SLC19A1: variants seen among roughly 807,000 people sequenced by gnomAD.
SLC19A1 encodes the protein solute carrier family 19 member 1, also known as reduced folate transporter.
In SLC19A1, 37 loss-of-function variants were observed where a neutral mutation model predicts 35.3. The ratio of observed to expected loss-of-function variants is 1.05; its 90% confidence interval spans 0.81 to 1.38. The LOEUF is 1.38. Ranked by LOEUF, SLC19A1 falls within the 40% of genes most tolerant of loss-of-function variation. SLC19A1 has a pLI of 0.00. For missense variants in SLC19A1, 831 were observed against 826.9 expected (o/e 1.00, Z -0.06); for synonymous variants, 460 against 398.5 (o/e 1.15, Z -1.84).
Position 45,515,790 on chromosome 21 carries a change from C to A in SLC19A1, c.1644G>T (p.Leu548=). The A allele has an allele frequency of 6.2e-7, 1 of 1,613,490 alleles. No individual in the cohort carries two copies. The highest frequency in any genetic ancestry group is 8.5e-7 in the Non-Finnish European group (1 of 1,179,808). Residue 548 remains leucine, a synonymous_variant, in exon 6 of 6, where the codon CTG becomes CTT. Coordinates refer to ENST00000311124, the MANE Select transcript of SLC19A1 (RefSeq NM_194255.4). The part of the protein sequence containing the change: ...SPVTTPSPCT[L]CSAQASGPEA... ...CAGGGCCTGAGGCTTGGGCGGAGCACAGAGTGCAGGGGGAAGGGGTTGTCA... is the reference window on the plus strand; with the variant it reads ...CAGGGCCTGAGGCTTGGGCGGAGCAAAGAGTGCAGGGGGAAGGGGTTGTCA...
At position 45,534,702 on chromosome 21, in the gene SLC19A1, C is replaced by T. The variant is rs531206537; in HGVS notation, c.190-2554G>A. 43 of 975,374 alleles carry T rather than the reference C, an allele frequency of 4.4e-5. 1 individual carries two copies. The East Asian group carries it at 9.4e-4, about 21-fold the overall frequency. 60.4% of individuals were successfully genotyped at this position (975,374 alleles called of 1,614,324 possible). On this transcript the variant is annotated intron_variant, in intron 2 of 5. Coordinates refer to ENST00000311124, the MANE Select transcript of SLC19A1 (RefSeq NM_194255.4). This position sits in a 1 kb window ranked among gnomAD's most constrained non-coding sequence, Gnocchi z 4.2. ...CGCTCCTCTCCCTGCACCTCCTCAA[C>T]GGCCCCTACTCCCTCTTCCTCAGCC...
At chr21:45,523,467 A>G (rs1026426084) in intron 5 of SLC19A1, among the ~76,000 whole-genome samples, 1 of 152,136 alleles carries the variant, frequency 6.6e-6, no homozygotes, top group Non-Finnish European at 1.5e-5. Context: ...CCAGCTAAGG[A>G]AGGGAAAGGG....
chr21:45,504,031 C>T (rs977272446), intron 3 of SLC19A1: 8 of 1,610,864 alleles, frequency 5.0e-6, no homozygotes, highest in South Asian at 1.1e-5. Context: ...GTTTGACTTT[C>T]TTCAGTTGGA....
In SLC19A1 at chr21:45,533,082, G is replaced by A. The variant is rs9974325; in HGVS notation, c.190-934C>T. On this transcript the variant is annotated intron_variant, in intron 2 of 5. Transcript: ENST00000311124. The surrounding 1 kb of genome is among the most constrained non-coding windows in gnomAD (Gnocchi z 4.5). The stretch of plus-strand genomic sequence containing the variant: ...CAGACTCCAACCCAGGAGCAGGGAG[G>A]GGGGCAAACGCCCCTGTAGCCGCCC... 0.01 allele frequency among the ~76,000 whole-genome samples: 1,575 copies of A among 152,312 alleles called. 20 individuals carry two copies. The highest frequency in any genetic ancestry group is 0.032 in the African/African-American group (1,328 of 41,574).
At chr21:45,535,029 G>A (rs766695128) in intron 2 of SLC19A1, among the ~76,000 whole-genome samples, 12 of 152,270 alleles carry the variant, frequency 7.9e-5, no homozygotes, top group South Asian at 2.1e-4. Context: ...GGCAAGGCCC[G>A]AAGGCAGGCA....
chr21:45,529,128 C>CA (rs2146326956), intron 4 of SLC19A1, among the ~76,000 whole-genome samples: 1 of 152,122 alleles, frequency 6.6e-6, no homozygotes, highest in East Asian at 1.9e-4. Context: ...CTCGGGGAGC[C>CA]TGGAGAAGGC....
In SLC19A1 at chr21:45,515,437, G is replaced by A. The variant is rs559630536; in HGVS notation, c.*221C>T. The A allele has an allele frequency of 4.0e-4, 589 of 1,456,598 alleles. 3 individuals are homozygous for A. Among genetic ancestry groups the A allele is most frequent in the Middle Eastern group, 3.6e-3 (14 of 3,918 alleles). The allele number at this position is 1,456,598 out of a possible 1,614,324, so 90.2% of individuals were successfully genotyped here. A position where few individuals can be genotyped will look rare whatever the true frequency, so the allele number is the denominator to read the frequency against. ...CCCACCTCTTCCAGCAACAAAGCCC[G>A]CGGGGCACAGTGCAGGGACAGCATG... On this transcript the variant is annotated 3_prime_UTR_variant, in exon 6 of 6. Transcript: ENST00000311124.
At chr21:45,543,809 G>GCTCT (rs1391797504), upstream of SLC19A1, 1 of 152,424 alleles carries the variant, frequency 6.6e-6, no homozygotes, top group South Asian at 2.1e-4. Context: ...GGGAGCCCTG[G>GCTCT]CTCTCTCCCC....
Position 45,530,670 on chromosome 21 carries a change from A to T in SLC19A1, c.1151+100T>A. 7.8e-7 allele frequency: 1 copy of T among 1,288,658 alleles called. No individual in the cohort carries two copies. The highest frequency in any genetic ancestry group is 1.1e-6 in the Non-Finnish European group (1 of 936,716). The allele number at this position is 1,288,658 out of a possible 1,614,324, so 79.8% of individuals were successfully genotyped here. A position where few individuals can be genotyped will look rare whatever the true frequency, so the allele number is the denominator to read the frequency against. ...TGGCTGGCGGGGCCAGCAGTGGCAC[A>T]GCCGCTGGGGCGCAGCAGGAAGGTG... On this transcript the variant is annotated intron_variant, in intron 4 of 5. Transcript: ENST00000311124. The surrounding 1 kb of genome is among the most constrained non-coding windows in gnomAD (Gnocchi z 5.3).
chr21:45,511,382 ATG>A (rs539061754), downstream of SLC19A1, among the ~76,000 whole-genome samples: 193 of 152,248 alleles, frequency 1.3e-3, no homozygotes, highest in African/African-American at 4.5e-3. Flanking sequence ...ATTGAGAAAA[ATG>A]AGAACTGCTC....
chr21:45,511,672 C>T (rs927767462), downstream of SLC19A1, among the ~76,000 whole-genome samples: 2 of 152,116 alleles, frequency 1.3e-5, no homozygotes, highest in African/African-American at 4.8e-5. Flanking sequence ...GTGCCCTCCC[C>T]ACGTGAGCGC....
At chr21:45,504,069 T>C in intron 3 of SLC19A1, 1 of 1,613,408 alleles carries the variant, frequency 6.2e-7, no homozygotes, top group Non-Finnish European at 8.5e-7. Flanking sequence ...GTGACCTCCC[T>C]GTGGGGTTGG....
At chr21:45,510,408 C>A, downstream of SLC19A1, 3 of 935,976 alleles carry the variant, frequency 3.2e-6, no homozygotes, top group South Asian at 2.9e-5. Flanking sequence ...TCAGGGCAGG[C>A]TCCGGGTGGG....
At chr21:45,526,472 C>G (rs143601436) in intron 4 of SLC19A1, among the ~76,000 whole-genome samples, 4 of 151,996 alleles carry the variant, frequency 2.6e-5, no homozygotes, top group African/African-American at 9.7e-5. Context: ...AACTTTTGAC[C>G]GTGTTCTGAG....
chr21:45,503,966 G>A lies in SLC19A1; in HGVS notation c.498-5354C>T, dbSNP rs544837725. The A allele has an allele frequency of 1.6e-5, 25 of 1,612,572 alleles. 1 individual carries two copies. The South Asian group carries it at 2.6e-4, about 17-fold the overall frequency. On this transcript the variant is annotated intron_variant, in intron 3 of 4. Transcript: ENST00000417954. The stretch of plus-strand genomic sequence containing the variant: ...GGGGCTGCAGAGGGAACCCGGCGCT[G>A]TCAGACACCACCTCAGCGAGACCCC...
Position 45,506,860 on chromosome 21 carries a change from C to T in SLC19A1, c.498-8248G>A, listed in dbSNP as rs538296970. Reference sequence around the variant, plus strand: ...GCCCCCTCCTAGGCCTGGCCAGCCCCTGCAGCACCCCAGACAGTGAATCCC... The same window carrying T: ...GCCCCCTCCTAGGCCTGGCCAGCCCTTGCAGCACCCCAGACAGTGAATCCC... On this transcript the variant is annotated intron_variant, in intron 3 of 4. Transcript: ENST00000417954. The T allele has an allele frequency of 2.2e-5, 4 of 182,256 alleles. No individual in the cohort carries two copies. In the South Asian group the frequency reaches 4.5e-4, roughly 20 times the overall value. The allele number at this position is 182,256 out of a possible 1,614,324, so 11.3% of individuals were successfully genotyped here. A position where few individuals can be genotyped will look rare whatever the true frequency, so the allele number is the denominator to read the frequency against.
intron 1 of SLC19A1, among the ~76,000 whole-genome samples, chr21:45,553,402 G>C (rs779992909): frequency 1.3e-5 from 2 of 151,666 alleles, no homozygotes; most frequent in Non-Finnish European, 2.9e-5. Context: ...GTGGGAGGCA[G>C]CCCGGCCCAT....
chr21:45,522,832 C>T (rs2077477558), intron 5 of SLC19A1, among the ~76,000 whole-genome samples: 1 of 152,050 alleles, frequency 6.6e-6, no homozygotes, highest in Non-Finnish European at 1.5e-5. Context: ...TTAAAGAGGA[C>T]GTGAGGCTGG....
intron 3 of SLC19A1, chr21:45,503,886 C>A (rs574719267): frequency 6.8e-6 from 6 of 888,062 alleles, no homozygotes; most frequent in Non-Finnish European, 1.1e-5. Flanking sequence ...TAATTAAATA[C>A]GCGATCTCTA....
Sources: gnomAD v4.1 joint callset for allele counts (sites outside exome capture counted in the v4.1 genomes callset) on GRCh38, gnomAD v4.1.1 for gene constraint, Gnocchi (gnomAD v3.1) non-coding constraint, MANE v1.5 for transcripts, NCBI Gene and HGNC (gene_info 2026-07-23, HGNC 2026-07-21) for gene names.